The following ENTREP2 variants were observed in gnomAD, a reference collection of about 807,000 sequenced individuals.
ENTREP2 encodes protein ENTREP2.
At chr15:29,636,558 A>C in the ENTREP2 span, among the ~76,000 whole-genome samples, 1,414 of 152,336 alleles carry the variant, frequency 9.3e-3, 14 homozygotes, top group Non-Finnish European at 0.014. Context: ...CTACACAGCA[A>C]TATTATGCCA....
the ENTREP2 span, among the ~76,000 whole-genome samples, chr15:29,254,547 C>A: frequency 6.6e-6 from 1 of 151,820 alleles, no homozygotes; most frequent in African/African-American, 2.4e-5. Flanking sequence ...GTCTTTGACA[C>A]ATGTCTATTT....
At chr15:29,417,681 G>A in the ENTREP2 span, among the ~76,000 whole-genome samples, 8 of 151,296 alleles carry the variant, frequency 5.3e-5, no homozygotes, top group East Asian at 3.9e-4. Flanking sequence ...AATAATCTAC[G>A]TAAAAAAAGA....
chr15:29,117,757 T>C, the ENTREP2 span: 1 of 152,644 alleles, frequency 6.6e-6, no homozygotes, highest in East Asian at 1.9e-4. Context: ...TGTTTGGACT[T>C]TTATTTTGGC....
the ENTREP2 span, among the ~76,000 whole-genome samples, chr15:29,538,898 C>A: frequency 6.6e-6 from 1 of 152,116 alleles, no homozygotes; most frequent in South Asian, 2.1e-4. Context: ...TGGTCTAACA[C>A]CCTCAGATTC....
At chr15:29,206,927 A>T in the ENTREP2 span, among the ~76,000 whole-genome samples, 1 of 152,176 alleles carries the variant, frequency 6.6e-6, no homozygotes, top group Non-Finnish European at 1.5e-5. Flanking sequence ...TGTCACCAAC[A>T]TCGACAGTTT....
At chr15:29,654,064 TTAAA>T in the ENTREP2 span, among the ~76,000 whole-genome samples, 9 of 152,338 alleles carry the variant, frequency 5.9e-5, no homozygotes, top group Non-Finnish European at 7.3e-5. Flanking sequence ...TATACTTATC[TTAAA>T]TAATTTATAA....
chr15:29,566,511 C>G, the ENTREP2 span, among the ~76,000 whole-genome samples: 2 of 151,440 alleles, frequency 1.3e-5, no homozygotes, highest in Non-Finnish European at 2.9e-5. Context: ...GGCTGGAGTG[C>G]AGTGGAGTGA....
At chr15:29,601,058 C>A in the ENTREP2 span, among the ~76,000 whole-genome samples, 1 of 150,952 alleles carries the variant, frequency 6.6e-6, no homozygotes, top group African/African-American at 2.5e-5. Flanking sequence ...CCACCACGCC[C>A]GGCTAATTTT....
chr15:29,175,629 G>A, the ENTREP2 span, among the ~76,000 whole-genome samples: 5 of 152,322 alleles, frequency 3.3e-5, no homozygotes, highest in African/African-American at 1.2e-4. Context: ...TTTTGAGACG[G>A]AGTCTCACTC....
At chr15:29,651,820 G>A in the ENTREP2 span, among the ~76,000 whole-genome samples, 2 of 152,250 alleles carry the variant, frequency 1.3e-5, no homozygotes, top group African/African-American at 4.8e-5. Context: ...GCTGAGGGCA[G>A]CTTGGTGCTG....
the ENTREP2 span, among the ~76,000 whole-genome samples, chr15:29,442,856 A>G: frequency 6.6e-6 from 1 of 152,192 alleles, no homozygotes; most frequent in Non-Finnish European, 1.5e-5. Context: ...CTCCCCAATT[A>G]AAACCACACA....
chr15:29,120,909 GC>G, the ENTREP2 span: 1 of 152,294 alleles, frequency 6.6e-6, no homozygotes, highest in Non-Finnish European at 1.5e-5. Flanking sequence ...CAAGTTGCCA[GC>G]ACATTCCCTA....
At chr15:29,444,170 C>CACGAAAG in the ENTREP2 span, among the ~76,000 whole-genome samples, 36 of 71,550 alleles carry the variant, frequency 5.0e-4, 3 homozygotes, top group African/African-American at 1.2e-3. Context: ...GAAAGACAGA[C>CACGAAAG]AAAGAAAGAA....
At chr15:29,423,398 T>C in the ENTREP2 span, among the ~76,000 whole-genome samples, 1 of 152,020 alleles carries the variant, frequency 6.6e-6, no homozygotes, top group Non-Finnish European at 1.5e-5. Flanking sequence ...ACATGAAAAA[T>C]TCTAGAGAAG....
chr15:29,563,504 C>T, the ENTREP2 span, among the ~76,000 whole-genome samples: 1 of 152,064 alleles, frequency 6.6e-6, no homozygotes, highest in Non-Finnish European at 1.5e-5. Flanking sequence ...TCATAATTTC[C>T]TGTCATCTAG....
the ENTREP2 span, among the ~76,000 whole-genome samples, chr15:29,225,981 C>A: frequency 6.6e-6 from 1 of 152,088 alleles, no homozygotes; most frequent in Non-Finnish European, 1.5e-5. Context: ...TGGAGCACTT[C>A]CTGTTGTCTG....
the ENTREP2 span, among the ~76,000 whole-genome samples, chr15:29,555,795 A>T: frequency 6.6e-6 from 1 of 152,124 alleles, no homozygotes; most frequent in Non-Finnish European, 1.5e-5. Flanking sequence ...TACAGAGCCC[A>T]CTGTGCTCTG....
chr15:29,441,424 C>T, the ENTREP2 span, among the ~76,000 whole-genome samples: 5 of 152,026 alleles, frequency 3.3e-5, no homozygotes, highest in East Asian at 9.7e-4. Context: ...ACTAATAATC[C>T]CCCAAATGCC....
chr15:29,412,312 T>C, the ENTREP2 span, among the ~76,000 whole-genome samples: 2 of 152,230 alleles, frequency 1.3e-5, no homozygotes, highest in African/African-American at 4.8e-5. Context: ...GATATAGTTC[T>C]AAGTTCCTTA....
Sources: allele counts gnomAD v4.1 joint callset (sites outside exome capture counted in the v4.1 genomes callset), GRCh38; gene constraint gnomAD v4.1.1; transcripts MANE v1.5; gene names NCBI Gene and HGNC (gene_info 2026-07-23, HGNC 2026-07-21).